Variants in CPNE8 observed in about 807,000 individuals in gnomAD.
The protein encoded by CPNE8 is copine-8.
Under a neutral mutation model 81.5 loss-of-function variants are expected in CPNE8, and 45 were observed. That is an observed-to-expected ratio of 0.55 (90% CI 0.44 to 0.71). The LOEUF (loss-of-function observed/expected upper bound fraction) is 0.71, where lower values mean the gene tolerates loss of function less well. Ranked by LOEUF, CPNE8 falls within the 30% of genes least tolerant of loss-of-function variation. CPNE8 has a pLI of 0.00. For missense variants in CPNE8, 594 were observed against 672.1 expected (o/e 0.88, Z 1.28); for synonymous variants, 252 against 226.3 (o/e 1.11, Z -1.02).
intron 6 of CPNE8, among the ~76,000 whole-genome samples, chr12:38,802,916 A>G (rs1486809571): frequency 6.7e-6 from 1 of 149,746 alleles, no homozygotes. Context: ...GAAGAAATAG[A>G]TACATTCCTC....
At chr12:38,797,020 G>C (rs1055222995) in intron 6 of CPNE8, among the ~76,000 whole-genome samples, 3 of 152,198 alleles carry the variant, frequency 2.0e-5, no homozygotes, top group Admixed American at 6.5e-5. Flanking sequence ...GCCCAGGCTT[G>C]CTTAGGTAAA....
intron 1 of CPNE8, among the ~76,000 whole-genome samples, chr12:38,899,489 C>T (rs377024884): frequency 6.6e-6 from 1 of 152,152 alleles, no homozygotes; most frequent in Non-Finnish European, 1.5e-5. Flanking sequence ...GCCACCTTGT[C>T]TCTGGTACTT....
chr12:38,855,753 T>G (rs1311214369), intron 3 of CPNE8, among the ~76,000 whole-genome samples: 1 of 152,104 alleles, frequency 6.6e-6, no homozygotes, highest in Non-Finnish European at 1.5e-5. Context: ...AATAAGTAGG[T>G]GAGGTACTGG....
At chr12:38,865,989 G>A (rs987705307) in intron 3 of CPNE8, among the ~76,000 whole-genome samples, 3 of 152,104 alleles carry the variant, frequency 2.0e-5, no homozygotes, top group East Asian at 1.9e-4. Context: ...ACTATTTTAC[G>A]TCCTTTTCTG....
chr12:38,767,765 C>G (rs527454659), intron 7 of CPNE8, 27 bp from the exon 8 acceptor site: 1 of 1,401,072 alleles, frequency 7.1e-7, no homozygotes, highest in Non-Finnish European at 9.6e-7. Context: ...TAAAACAGTT[C>G]AAGATTTGGG....
intron 19 of CPNE8, among the ~76,000 whole-genome samples, chr12:38,661,241 A>C (rs1938945935): frequency 6.6e-6 from 1 of 152,238 alleles, no homozygotes; most frequent in Non-Finnish European, 1.5e-5. Flanking sequence ...GGATTAAAAA[A>C]ATGTGGCACA....
At chr12:38,713,025 C>T (rs1363810430) in intron 13 of CPNE8, among the ~76,000 whole-genome samples, 2 of 152,152 alleles carry the variant, frequency 1.3e-5, no homozygotes, top group Non-Finnish European at 2.9e-5. Flanking sequence ...TTAACCCTCA[C>T]AGCCACTCTA....
chr12:38,719,358 C>T lies in CPNE8; in HGVS notation c.914+4414G>A, dbSNP rs142180415. Among the ~76,000 whole-genome samples, 1,079 of 152,090 alleles carry T rather than the reference C, an allele frequency of 7.1e-3. 17 individuals are homozygous for T. The highest frequency in any genetic ancestry group is 0.024 in the African/African-American group (991 of 41,502). On this transcript the variant is annotated intron_variant, in intron 13 of 19. Coordinates refer to ENST00000331366, the MANE Select transcript of CPNE8 (RefSeq NM_153634.3). Reference sequence around the variant, plus strand: ...GTGGCTCATTCCTGTGATTCCAGCACTTTGGGAGGCCGAGAAGGGCAGATC... The same window carrying T: ...GTGGCTCATTCCTGTGATTCCAGCATTTTGGGAGGCCGAGAAGGGCAGATC...
At chr12:38,860,558 A>C (rs973187352) in intron 3 of CPNE8, among the ~76,000 whole-genome samples, 2 of 98,184 alleles carry the variant, frequency 2.0e-5, no homozygotes, top group African/African-American at 8.3e-5. Flanking sequence ...TTTTGAGTAT[A>C]TATCAAAAAA....
intron 6 of CPNE8, among the ~76,000 whole-genome samples, chr12:38,817,231 CA>C (rs1473759509): frequency 6.6e-6 from 1 of 152,106 alleles, no homozygotes; most frequent in Non-Finnish European, 1.5e-5. Context: ...TTCTTGTTAC[CA>C]CATTGTCAAT....
chr12:38,697,678 G>T (rs1216241275), intron 14 of CPNE8, among the ~76,000 whole-genome samples: 3 of 152,130 alleles, frequency 2.0e-5, no homozygotes, highest in African/African-American at 7.2e-5. Flanking sequence ...GGACTGGTGG[G>T]AGGTGTTTAG....
intron 3 of CPNE8, among the ~76,000 whole-genome samples, chr12:38,870,698 G>A (rs191906224): frequency 2.0e-3 from 305 of 151,920 alleles, no homozygotes; most frequent in African/African-American, 6.8e-3. Context: ...TGTAGATGAC[G>A]GGTTGACAGG....
chr12:38,667,322 C>T (rs1253722520), intron 19 of CPNE8, among the ~76,000 whole-genome samples: 4 of 152,274 alleles, frequency 2.6e-5, no homozygotes, highest in Non-Finnish European at 5.9e-5. Flanking sequence ...ACACTTGCAA[C>T]CCCACTATTC....
rs1941721319 is a variant in CPNE8, at chr12:38,767,795, G to T, written c.472-57C>A. ...TTTGGGCTATAAATAACTAGAAACT[G>T]CAGATCAGAAACAAGACTTGACAAG... On this transcript the variant is annotated intron_variant, in intron 7 of 19. Coordinates refer to ENST00000331366, the MANE Select transcript of CPNE8 (RefSeq NM_153634.3). 1.3e-5 allele frequency: 13 copies of T among 1,038,730 alleles called. No homozygotes were observed. The South Asian group carries it at 2.3e-4, about 18-fold the overall frequency. 64.3% of individuals were successfully genotyped at this position (1,038,730 alleles called of 1,614,324 possible).
chr12:38,822,080 G>A (rs960905125), intron 6 of CPNE8, among the ~76,000 whole-genome samples: 7 of 152,154 alleles, frequency 4.6e-5, no homozygotes, highest in Admixed American at 1.3e-4. Flanking sequence ...TATTTTTAAT[G>A]TGTTGAGTCA....
At chr12:38,868,648 A>G (rs1415650547) in intron 3 of CPNE8, among the ~76,000 whole-genome samples, 1 of 152,142 alleles carries the variant, frequency 6.6e-6, no homozygotes, top group Non-Finnish European at 1.5e-5. Context: ...AAAACCTACT[A>G]CTGTGGGATA....
intron 4 of CPNE8, among the ~76,000 whole-genome samples, chr12:38,846,215 A>G (rs1272130776): frequency 1.3e-5 from 2 of 152,284 alleles, no homozygotes; most frequent in East Asian, 3.9e-4. Context: ...GGAAGTAACA[A>G]AGCTTATAGG....
chr12:38,694,931 G>A (rs1467010780), intron 14 of CPNE8, among the ~76,000 whole-genome samples: 1 of 152,144 alleles, frequency 6.6e-6, no homozygotes, highest in African/African-American at 2.4e-5. Context: ...TGGGTTATTT[G>A]ACAGGTAATT....
chr12:38,803,455 C>T (rs1942736691), intron 6 of CPNE8, among the ~76,000 whole-genome samples: 1 of 150,734 alleles, frequency 6.6e-6, no homozygotes. Flanking sequence ...CAAAATTCAA[C>T]AACCCTTCAT....
Sources: allele counts gnomAD v4.1 joint callset (sites outside exome capture counted in the v4.1 genomes callset), GRCh38; gene constraint gnomAD v4.1.1; transcripts MANE v1.5; gene names NCBI Gene and HGNC (gene_info 2026-07-23, HGNC 2026-07-21).